The following TMEM207 variants were observed in gnomAD, a reference collection of about 807,000 sequenced individuals.
TMEM207 encodes SRSR846.
A neutral mutation model predicts 17.4 loss-of-function variants in TMEM207; 15 were observed. That is an observed-to-expected ratio of 0.86 (90% CI 0.58 to 1.33). TMEM207 has a LOEUF of 1.33. Ranked by LOEUF, TMEM207 falls within the 40% of genes most tolerant of loss-of-function variation. The probability of loss-of-function intolerance (pLI) is 0.00; values close to 1 mark genes in which losing one functional copy is unlikely to be tolerated. For missense variants in TMEM207, 205 were observed against 173.8 expected, an observed-to-expected ratio of 1.18 and a Z score of -1.01; for synonymous variants, 70 against 65.6, an observed-to-expected ratio of 1.07 and a Z score of -0.33.
intron 4 of TMEM207, among the ~76,000 whole-genome samples, chr3:190,431,301 C>T (rs1002289047): frequency 1.3e-5 from 2 of 151,992 alleles, no homozygotes; most frequent in Non-Finnish European, 2.9e-5. Flanking sequence ...GTACTTAAAA[C>T]AAGGCCTGGC....
rs1017579163 is a variant in TMEM207, at chr3:190,440,127, C to A, written c.304+117G>T. ...CTCCTCAGTGCAGGCCTTGGTGTCT[C>A]CAATAAGCCACATCTTTTTCTAAGT... On this transcript the variant is annotated intron_variant, in intron 4 of 4. Transcript: ENST00000354905. The A allele has an allele frequency of 2.1e-5, 27 of 1,272,084 alleles. No individual in the cohort carries two copies. The East Asian group carries it at 6.0e-4, about 28-fold the overall frequency. The allele number at this position is 1,272,084 out of a possible 1,614,324, so 78.8% of individuals were successfully genotyped here.
intron 3 of TMEM207, among the ~76,000 whole-genome samples, chr3:190,441,169 G>A (rs928342440): frequency 6.6e-6 from 1 of 152,164 alleles, no homozygotes; most frequent in Admixed American, 6.5e-5. Flanking sequence ...GGTCATTTAG[G>A]GAGATTTCAA....
chr3:190,444,811 T>C (rs556911767), intron 2 of TMEM207, among the ~76,000 whole-genome samples: 2 of 152,326 alleles, frequency 1.3e-5, no homozygotes, highest in South Asian at 4.1e-4. Context: ...AAGAACAATG[T>C]TTTCCATAGT....
chr3:190,446,259 T>G (rs1720042655), intron 2 of TMEM207, among the ~76,000 whole-genome samples: 1 of 152,220 alleles, frequency 6.6e-6, no homozygotes, highest in South Asian at 2.1e-4. Flanking sequence ...GATTTGAAAC[T>G]GAAATCTCTT....
intron 3 of TMEM207, among the ~76,000 whole-genome samples, chr3:190,441,209 A>G (rs1438266033): frequency 6.6e-6 from 1 of 152,172 alleles, no homozygotes; most frequent in Non-Finnish European, 1.5e-5. Flanking sequence ...GCTGTTAAAG[A>G]TTTTCAACTC....
chr3:190,446,993 C>A (rs1720065613), intron 2 of TMEM207, among the ~76,000 whole-genome samples: 1 of 152,032 alleles, frequency 6.6e-6, no homozygotes, highest in South Asian at 2.1e-4. Context: ...AAGAGCAGCA[C>A]AAATTTAATA....
chr3:190,439,080 G>A (rs1291525705), intron 4 of TMEM207, among the ~76,000 whole-genome samples: 1 of 151,658 alleles, frequency 6.6e-6, no homozygotes, highest in Non-Finnish European at 1.5e-5. Context: ...GGGAGGCTGA[G>A]GCAGGAGAAT....
chr3:190,434,290 T>C (rs1432963340), intron 4 of TMEM207, among the ~76,000 whole-genome samples: 1 of 152,162 alleles, frequency 6.6e-6, no homozygotes, highest in East Asian at 1.9e-4. Flanking sequence ...CCGTGTGTTG[T>C]GGGAGGGATC....
intron 4 of TMEM207, among the ~76,000 whole-genome samples, chr3:190,430,267 TA>T (rs963382209): frequency 5.3e-5 from 8 of 151,208 alleles, no homozygotes; most frequent in Admixed American, 3.3e-4. Flanking sequence ...TTCTAAAATT[TA>T]AAAAAAAACT....
chr3:190,444,037 T>G (rs1035561486), intron 2 of TMEM207, among the ~76,000 whole-genome samples: 10 of 152,216 alleles, frequency 6.6e-5, no homozygotes, highest in African/African-American at 2.2e-4. Context: ...ATCTTTATTC[T>G]TCTTCTCTGT....
intron 3 of TMEM207, 63 bp from the exon 4 acceptor site, chr3:190,440,452 A>C (rs1719906619): frequency 1.4e-6 from 2 of 1,469,216 alleles, no homozygotes; most frequent in African/African-American, 2.8e-5. Flanking sequence ...AAGAGCTTCC[A>C]TCACTACCTA....
chr3:190,444,406 C>G (rs1720001815), intron 2 of TMEM207: 2 of 984,638 alleles, frequency 2.0e-6, no homozygotes, highest in South Asian at 4.7e-5. Flanking sequence ...GCGACTGGGA[C>G]AGTAATAGCC....
Position 190,429,624 on chromosome 3 carries a change from G to A in TMEM207, c.412C>T (p.Pro138Ser), listed in dbSNP as rs1178598111. The change falls in exon 5 of 5, where the codon CCA becomes TCA. Residue 138 changes from proline to serine, a missense_variant. Coordinates refer to ENST00000354905, the MANE Select transcript of TMEM207 (RefSeq NM_207316.3). ...PCFGPLGSPP[P>S]YEEIVKTT is the part of the protein sequence containing the mutation. Reference sequence around the variant, plus strand: ...GTTGTTTTTACAATTTCTTCATATGGAGGTGGGGAGCCTAAAGGGCCAAAA... The same window carrying A: ...GTTGTTTTTACAATTTCTTCATATGAAGGTGGGGAGCCTAAAGGGCCAAAA... 6 of 1,613,452 alleles carry A rather than the reference G, an allele frequency of 3.7e-6. No homozygotes were observed. Among genetic ancestry groups the A allele is most frequent in the African/African-American group, 1.3e-5 (1 of 74,980 alleles).
chr3:190,438,489 AT>A (rs1264379139), intron 4 of TMEM207, among the ~76,000 whole-genome samples: 1 of 152,182 alleles, frequency 6.6e-6, no homozygotes, highest in Non-Finnish European at 1.5e-5. Flanking sequence ...ATATAAAAAC[AT>A]TAGATAAAGA....
At chr3:190,434,966 C>T (rs1481648451) in intron 4 of TMEM207, among the ~76,000 whole-genome samples, 2 of 152,142 alleles carry the variant, frequency 1.3e-5, no homozygotes, top group African/African-American at 4.8e-5. Context: ...AATTTTAGTC[C>T]TTAAAATATC....
intron 1 of TMEM207, among the ~76,000 whole-genome samples, chr3:190,448,314 G>T (rs1377811400): frequency 6.6e-6 from 1 of 152,004 alleles, no homozygotes; most frequent in Non-Finnish European, 1.5e-5. Flanking sequence ...ACTTTAACCT[G>T]CTCTAAGGGT....
At position 190,445,556 on chromosome 3, in the gene TMEM207, C is replaced by T. The variant is rs144885066; in HGVS notation, c.113+2234G>A. On this transcript the variant is annotated intron_variant, in intron 2 of 4. Transcript: ENST00000354905. ...GTTGTTGTTATTTGAGACGGAGTCT[C>T]GCTCTGTTACCCAGGCTGGAGTGCA... 5.5e-3 allele frequency among the ~76,000 whole-genome samples: 845 copies of T among 152,320 alleles called. 11 individuals carry two copies. Among genetic ancestry groups the T allele is most frequent in the African/African-American group, 0.019 (808 of 41,568 alleles).
Position 190,429,546 on chromosome 3 carries a change from G to T in TMEM207, c.*49C>A. On this transcript the variant is annotated 3_prime_UTR_variant, in exon 5 of 5. Coordinates refer to ENST00000354905, the MANE Select transcript of TMEM207 (RefSeq NM_207316.3). Reference sequence around the variant, plus strand: ...TAACTATTCCTAAATTTGATGTTTTGGAATTACAGATGTCGTTAATACTTT... The same window carrying T: ...TAACTATTCCTAAATTTGATGTTTTTGAATTACAGATGTCGTTAATACTTT... The T allele has an allele frequency of 6.2e-7, 1 of 1,600,422 alleles. No homozygotes were observed. Among genetic ancestry groups the T allele is most frequent in the South Asian group, 1.1e-5 (1 of 90,246 alleles).
chr3:190,429,933 C>T (rs1410555346), intron 4 of TMEM207, among the ~76,000 whole-genome samples: 4 of 151,960 alleles, frequency 2.6e-5, no homozygotes, highest in Non-Finnish European at 5.9e-5. Context: ...AATTGCTTGC[C>T]TGAACTGATG....
Sources: gnomAD v4.1 joint callset for allele counts (sites outside exome capture counted in the v4.1 genomes callset) on GRCh38, gnomAD v4.1.1 for gene constraint, MANE v1.5 for transcripts, NCBI Gene and HGNC (gene_info 2026-07-23, HGNC 2026-07-21) for gene names.